Variants in DNAH14 observed in about 807,000 individuals in gnomAD.
The protein encoded by DNAH14 is dynein axonemal heavy chain 14, also known as axonemal beta dynein heavy chain 14.
A neutral mutation model predicts 520.9 loss-of-function variants in DNAH14; 478 were observed. That is an observed-to-expected ratio of 0.92 (90% CI 0.85 to 0.99). DNAH14 has a LOEUF of 0.99. Among genes scored for constraint, DNAH14 ranks in the 50% least tolerant of loss-of-function variants. DNAH14 has a pLI of 0.00. For missense variants in DNAH14, 4,831 were observed against 5,234.5 expected, an observed-to-expected ratio of 0.92 and a Z score of 2.38; for synonymous variants, 1,581 against 1,757.2, an observed-to-expected ratio of 0.90 and a Z score of 2.51.
intron 66 of DNAH14, among the ~76,000 whole-genome samples, chr1:225,334,784 G>A (rs1368671832): frequency 3.3e-5 from 5 of 150,626 alleles, no homozygotes; most frequent in East Asian, 2.0e-4. Context: ...TGGGAGGATC[G>A]CTTGAGCCCA....
intron 39 of DNAH14, among the ~76,000 whole-genome samples, chr1:225,204,811 C>T (rs2087314115): frequency 6.6e-6 from 1 of 152,200 alleles, no homozygotes; most frequent in South Asian, 2.1e-4. Context: ...GTCAACACAT[C>T]CACCATTAGT....
At chr1:225,061,294 G>T (rs989685238) in intron 17 of DNAH14, among the ~76,000 whole-genome samples, 2 of 152,204 alleles carry the variant, frequency 1.3e-5, no homozygotes, top group Admixed American at 6.5e-5. Context: ...TGGCTCCGTG[G>T]GCGTAGGACC....
Position 225,374,895 on chromosome 1 carries a change from GAATC to G in DNAH14, c.12516+15_12516+18del. 6.6e-7 allele frequency: 1 copy of G among 1,526,550 alleles called. No individual in the cohort carries two copies. The highest frequency in any genetic ancestry group is 8.8e-7 in the Non-Finnish European group (1 of 1,131,210). The allele number at this position is 1,526,550 out of a possible 1,614,324, so 94.6% of individuals were successfully genotyped here. A position where few individuals can be genotyped will look rare whatever the true frequency, so the allele number is the denominator to read the frequency against. ...TTTCTCCAGTGATGGGGTAGGAAAA[GAATC>G]AATCTTCTTGCATTTCTCGATAATT... On this transcript the variant is annotated intron_variant, in intron 78 of 85. Coordinates refer to ENST00000682510, the MANE Select transcript of DNAH14 (RefSeq NM_001367479.1).
intron 8 of DNAH14, among the ~76,000 whole-genome samples, chr1:224,999,211 T>G (rs902019199): frequency 6.6e-6 from 1 of 152,156 alleles, no homozygotes. Flanking sequence ...TTTTTTTGTT[T>G]TGTTTTGTTT....
chr1:225,262,155 G>A (rs1370993169), intron 46 of DNAH14, among the ~76,000 whole-genome samples: 1 of 151,498 alleles, frequency 6.6e-6, no homozygotes, highest in African/African-American at 2.4e-5. Flanking sequence ...CTTTTGAGAA[G>A]TGGCTGTTCA....
chr1:225,366,214 T>G (rs888652766), intron 76 of DNAH14, among the ~76,000 whole-genome samples: 2 of 152,188 alleles, frequency 1.3e-5, no homozygotes, highest in African/African-American at 4.8e-5. Flanking sequence ...TCTCACATAA[T>G]GCTGACAAGG....
intron 83 of DNAH14, among the ~76,000 whole-genome samples, chr1:225,391,014 A>C (rs1156472538): frequency 6.6e-6 from 1 of 152,174 alleles, no homozygotes; most frequent in Non-Finnish European, 1.5e-5. Flanking sequence ...TGTTTCAATG[A>C]CTGGACTAAG....
chr1:225,067,507 G>A (rs942410443), intron 17 of DNAH14, among the ~76,000 whole-genome samples: 1 of 152,044 alleles, frequency 6.6e-6, no homozygotes. Flanking sequence ...GGGTCAAATG[G>A]TAGTTTCATC....
chr1:225,045,541 C>A (rs2067880133), intron 15 of DNAH14, among the ~76,000 whole-genome samples: 1 of 151,920 alleles, frequency 6.6e-6, no homozygotes, highest in Admixed American at 6.6e-5. Context: ...CAGTGTGTAC[C>A]AGTTGCTCAG....
In DNAH14 at chr1:225,318,627, G is replaced by A. The variant is rs374773665; in HGVS notation, c.9285G>A (p.Lys3095=). The A allele has an allele frequency of 1.2e-4, 180 of 1,550,144 alleles. No individual in the cohort carries two copies. The African/African-American group carries it at 2.2e-3, about 19-fold the overall frequency. The part of the protein sequence containing the change: ...ELKSVLPAFD[K]AIVALNALDK... The stretch of plus-strand genomic sequence containing the variant: ...AAAGTGTGCTGCCAGCCTTTGACAA[G>A]GCAATTGTGGCTCTGAATGCCCTGG... The change falls in exon 61 of 86, where the codon AAG becomes AAA. Residue 3095 remains lysine (K), a synonymous_variant. Coordinates refer to ENST00000682510, the MANE Select transcript of DNAH14 (RefSeq NM_001367479.1).
At chr1:225,285,284 C>G (rs59075440) in intron 54 of DNAH14, among the ~76,000 whole-genome samples, 1 of 152,302 alleles carries the variant, frequency 6.6e-6, no homozygotes, top group Non-Finnish European at 1.5e-5. Flanking sequence ...CATGGTGGCT[C>G]ATGCCTGTAA....
At position 225,265,288 on chromosome 1, in the gene DNAH14, A is replaced by G. The variant is rs780767465; in HGVS notation, c.7329A>G (p.Thr2443=). 6.5e-5 allele frequency: 100 copies of G among 1,544,982 alleles called. No homozygotes were observed. The highest frequency in any genetic ancestry group is 8.0e-5 in the Non-Finnish European group (92 of 1,145,174). ...VSTINFSTNV[T]AAKTKEMILK... ...CAATAAATTTTAGCACCAATGTAAC[A>G]GCTGCCAAAACCAAGGAGATGATTC... The change falls in exon 48 of 86, where the codon ACA becomes ACG. Residue 2443 remains threonine (T), a synonymous_variant. Coordinates refer to ENST00000682510, the MANE Select transcript of DNAH14 (RefSeq NM_001367479.1).
Position 225,266,712 on chromosome 1 carries a change from G to T in DNAH14, c.7482G>T (p.Leu2494Phe). The T allele has an allele frequency of 6.5e-7, 1 of 1,528,266 alleles. No individual in the cohort carries two copies. Among genetic ancestry groups the T allele is most frequent in the Non-Finnish European group, 8.8e-7 (1 of 1,140,924 alleles). 94.7% of individuals were successfully genotyped at this position (1,528,266 alleles called of 1,614,324 possible). A position where few individuals can be genotyped will look rare whatever the true frequency, so the allele number is the denominator to read the frequency against. The change falls in exon 49 of 86, where the codon TTG becomes TTT. Residue 2494 changes from leucine (L) to phenylalanine (F), a missense_variant. Coordinates refer to ENST00000682510, the MANE Select transcript of DNAH14 (RefSeq NM_001367479.1). ...DMYGAQPPLE[L>F]IRQLLDLGGV... ...ATGGAGCACAGCCACCCCTGGAATT[G>T]ATAAGACAATTGTTAGATTTGGGAG...
chr1:225,358,789 G>A, intron 74 of DNAH14, 137 bp downstream of exon 74: 2 of 861,822 alleles, frequency 2.3e-6, no homozygotes, highest in Non-Finnish European at 1.7e-6. Context: ...GGATCATGGG[G>A]ATGGTTCCCC....
intron 34 of DNAH14, among the ~76,000 whole-genome samples, chr1:225,155,623 A>G (rs2080955201): frequency 6.6e-6 from 1 of 152,206 alleles, no homozygotes. Flanking sequence ...CAGTGAAAGT[A>G]GTACTGCTCT....
chr1:225,271,900 T>C lies in DNAH14; in HGVS notation c.7672-6T>C. The C allele has an allele frequency of 6.5e-7, 1 of 1,537,768 alleles. No individual in the cohort carries two copies. Among genetic ancestry groups the C allele is most frequent in the Non-Finnish European group, 8.7e-7 (1 of 1,143,414 alleles). The stretch of plus-strand genomic sequence containing the variant: ...GCAAGCTAAATTATAACATTTCTTT[T>C]TAAAGGCTCATTTGGGAATTTATTT... On this transcript the variant is annotated splice_polypyrimidine_tract_variant and splice_region_variant and intron_variant, in intron 50 of 85. Coordinates refer to ENST00000682510, the MANE Select transcript of DNAH14 (RefSeq NM_001367479.1).
At chr1:225,043,166 A>C in intron 13 of DNAH14, 52 bp downstream of exon 13, 52 of 1,479,858 alleles carry the variant, frequency 3.5e-5, no homozygotes, top group Non-Finnish European at 4.3e-5. Flanking sequence ...GTGGTGGCTC[A>C]TGCCTGCAAT....
chr1:224,952,815 A>G, intron 2 of DNAH14, 36 bp downstream of exon 2: 1 of 1,496,760 alleles, frequency 6.7e-7, no homozygotes, highest in South Asian at 1.3e-5. Context: ...GTTTTTTTCT[A>G]AAGTAAGATT....
At chr1:225,274,449 C>T (rs1277072558) in intron 52 of DNAH14, among the ~76,000 whole-genome samples, 1 of 152,106 alleles carries the variant, frequency 6.6e-6, no homozygotes, top group East Asian at 1.9e-4. Context: ...CCGCCTCGGC[C>T]TCCCAAAGTG....
Sources: gnomAD v4.1 joint callset for allele counts (sites outside exome capture counted in the v4.1 genomes callset) on GRCh38, gnomAD v4.1.1 for gene constraint, MANE v1.5 for transcripts, NCBI Gene and HGNC (gene_info 2026-07-23, HGNC 2026-07-21) for gene names.